The following KIF16B variants were observed in gnomAD, a reference collection of about 807,000 sequenced individuals.
KIF16B encodes the protein kinesin family member 16B.
KIF16B carries 98 observed loss-of-function variants against 156.3 expected under a neutral mutation model. The ratio of observed to expected loss-of-function variants is 0.63; its 90% CI spans 0.53 to 0.74. KIF16B has a LOEUF of 0.74. Ranked by LOEUF, KIF16B falls within the 30% of genes least tolerant of loss-of-function variation. The probability of loss-of-function intolerance (pLI) is 0.00; values close to 1 mark genes in which losing one functional copy is unlikely to be tolerated. For missense variants in KIF16B, 1,421 were observed against 1,606.5 expected, an observed-to-expected ratio of 0.88 and a Z score of 1.97; for synonymous variants, 564 against 583.7, an observed-to-expected ratio of 0.97 and a Z score of 0.49.
chr20:16,528,491 A>G, intron 1 of KIF16B, 51 bp from the exon 2 acceptor site: 1 of 1,270,284 alleles, frequency 7.9e-7, no homozygotes, highest in South Asian at 1.2e-5. Context: ...ATTATTAAAA[A>G]CAAAACAAAA....
At chr20:16,548,753 T>A (rs1057402722) in intron 1 of KIF16B, among the ~76,000 whole-genome samples, 1 of 152,238 alleles carries the variant, frequency 6.6e-6, no homozygotes, top group East Asian at 1.9e-4. Flanking sequence ...AGATCCAGAT[T>A]CCTGGCTATT....
intron 12 of KIF16B, among the ~76,000 whole-genome samples, chr20:16,491,608 G>A (rs2068293622): frequency 6.6e-6 from 1 of 152,152 alleles, no homozygotes; most frequent in Non-Finnish European, 1.5e-5. Context: ...TCCAAGCTGG[G>A]AAGTAGGGTA....
At chr20:16,479,078 A>G (rs567014740) in intron 12 of KIF16B, among the ~76,000 whole-genome samples, 1 of 152,346 alleles carries the variant, frequency 6.6e-6, no homozygotes, top group African/African-American at 2.4e-5. Context: ...GTATAGCCAC[A>G]TTGTGTTATA....
chr20:16,488,226 T>C (rs1016750923), intron 12 of KIF16B, among the ~76,000 whole-genome samples: 2 of 152,248 alleles, frequency 1.3e-5, no homozygotes, highest in Admixed American at 1.3e-4. Flanking sequence ...CCCTCAGGGC[T>C]GCGAGGACCA....
intron 1 of KIF16B, among the ~76,000 whole-genome samples, chr20:16,532,460 C>T (rs1279801286): frequency 6.6e-6 from 1 of 152,198 alleles, no homozygotes; most frequent in Non-Finnish European, 1.5e-5. Context: ...AGGAGTTGGG[C>T]AATTCCATTG....
rs112191754 is a variant in KIF16B at position 16,292,800 on chromosome 20, C to T, written c.3796-19389G>A. The stretch of plus-strand genomic sequence containing the variant: ...GAATGGAGAGCAACTAAACTGACAT[C>T]AATGGAAATAAATAAAATTGACTAT... On this transcript the variant is annotated intron_variant, in intron 25 of 25. Coordinates refer to ENST00000354981, the MANE Select transcript of KIF16B (RefSeq NM_024704.5). Among the ~76,000 whole-genome samples the T allele has an allele frequency of 6.4e-3, 976 of 152,260 alleles. 6 individuals carry two copies. Among genetic ancestry groups the T allele is most frequent in the Non-Finnish European group, 0.011 (752 of 68,024 alleles).
chr20:16,545,427 G>A (rs2070368851), intron 1 of KIF16B, among the ~76,000 whole-genome samples: 1 of 151,612 alleles, frequency 6.6e-6, no homozygotes, highest in South Asian at 2.1e-4. Flanking sequence ...CACTTTGGGA[G>A]GCTGAGGTGG....
chr20:16,371,872 C>A (rs755303332), intron 20 of KIF16B, 111 bp from the exon 21 acceptor site: 13 of 675,506 alleles, frequency 1.9e-5, no homozygotes, highest in Non-Finnish European at 3.2e-5. Context: ...CTTCTAAATA[C>A]CAAACCTAAC....
intron 12 of KIF16B, among the ~76,000 whole-genome samples, chr20:16,447,627 GA>G (rs536722265): frequency 3.3e-5 from 5 of 151,676 alleles, no homozygotes; most frequent in East Asian, 3.9e-4. Context: ...AAAATTAATT[GA>G]AAAAAAATGT....
chr20:16,468,295 G>A lies in KIF16B; in HGVS notation c.1302+25996C>T, dbSNP rs368477923. Among the ~76,000 whole-genome samples the A allele has an allele frequency of 7.9e-5, 12 of 152,256 alleles. No homozygotes were observed. The East Asian group carries it at 2.3e-3, about 29-fold the overall frequency. The stretch of plus-strand genomic sequence containing the variant: ...AGATAAAAGGGAAAATTATAGGCCG[G>A]GCGCAGTGGCTCTTGTCTGTAATCC... On this transcript the variant is annotated intron_variant, in intron 12 of 25. Coordinates refer to ENST00000354981, the MANE Select transcript of KIF16B (RefSeq NM_024704.5).
rs530455646 is a variant in KIF16B at position 16,317,693 on chromosome 20, A to C, written c.3712-5275T>G. On this transcript the variant is annotated intron_variant, in intron 24 of 25. Transcript: ENST00000354981. ...CGCAAACACTGTCTCTGAACTGGGAAACCGCCACAGCTCAAACTGTCGGCC... is the reference window on the plus strand; with the variant it reads ...CGCAAACACTGTCTCTGAACTGGGACACCGCCACAGCTCAAACTGTCGGCC... 2.0e-5 allele frequency among the ~76,000 whole-genome samples: 3 copies of C among 152,346 alleles called. No individual in the cohort carries two copies. The South Asian group carries it at 6.2e-4, about 32-fold the overall frequency.
At chr20:16,491,185 G>C (rs1429001875) in intron 12 of KIF16B, among the ~76,000 whole-genome samples, 1 of 152,088 alleles carries the variant, frequency 6.6e-6, no homozygotes, top group African/African-American at 2.4e-5. Flanking sequence ...GAGTAACACA[G>C]GCAAAGACCA....
chr20:16,549,021 T>C (rs1426335492), intron 1 of KIF16B, among the ~76,000 whole-genome samples: 2 of 132,656 alleles, frequency 1.5e-5, no homozygotes, highest in Admixed American at 7.5e-5. Context: ...GTTTTTTTTT[T>C]TTATGTTTTT....
intron 10 of KIF16B, among the ~76,000 whole-genome samples, chr20:16,501,466 A>G (rs959858579): frequency 2.8e-4 from 43 of 152,090 alleles, no homozygotes; most frequent in Non-Finnish European, 1.5e-4. Flanking sequence ...AACTGAACAT[A>G]TGTACTCCTC....
At chr20:16,397,364 G>C (rs549782760) in intron 17 of KIF16B, among the ~76,000 whole-genome samples, 15 of 152,346 alleles carry the variant, frequency 9.8e-5, no homozygotes, top group African/African-American at 3.4e-4. Flanking sequence ...ATGGCTTCCA[G>C]AGAGTTTGAG....
chr20:16,501,320 A>T (rs1215646486), intron 10 of KIF16B, among the ~76,000 whole-genome samples: 1 of 90,280 alleles, frequency 1.1e-5, no homozygotes, highest in African/African-American at 3.0e-5. Flanking sequence ...AATACCAAGA[A>T]TTGAATTCTT....
intron 12 of KIF16B, among the ~76,000 whole-genome samples, chr20:16,468,864 A>C (rs1326945106): frequency 6.6e-6 from 1 of 152,140 alleles, no homozygotes; most frequent in Non-Finnish European, 1.5e-5. Flanking sequence ...CCTATAGACT[A>C]CTTCATCCAA....
At chr20:16,327,191 G>A (rs2063869405) in intron 24 of KIF16B, among the ~76,000 whole-genome samples, 1 of 151,432 alleles carries the variant, frequency 6.6e-6, no homozygotes, top group Non-Finnish European at 1.5e-5. Context: ...CCTAAGTGAA[G>A]TACCTCAGGA....
chr20:16,433,795 T>C (rs546245669), intron 12 of KIF16B, among the ~76,000 whole-genome samples: 47 of 152,186 alleles, frequency 3.1e-4, no homozygotes, highest in Non-Finnish European at 6.3e-4. Context: ...CTCATAAAAC[T>C]GGAAACGAGG....
Sources: allele counts gnomAD v4.1 joint callset (sites outside exome capture counted in the v4.1 genomes callset), GRCh38; gene constraint gnomAD v4.1.1; transcripts MANE v1.5; gene names NCBI Gene and HGNC (gene_info 2026-07-23, HGNC 2026-07-21).